EFHC2: variants seen among roughly 807,000 people sequenced by gnomAD.
EFHC2 encodes the protein EF-hand domain containing 2, also known as EF-hand domain-containing family member C2.
In EFHC2, 18 loss-of-function variants were observed where a neutral mutation model predicts 52.7. That is an observed-to-expected ratio of 0.34 (90% CI 0.24 to 0.51). The LOEUF (loss-of-function observed/expected upper bound fraction) is 0.51, where lower values mean the gene tolerates loss of function less well. Among genes scored for constraint, EFHC2 ranks in the 20% least tolerant of loss-of-function variants. EFHC2 has a pLI of 0.97. For synonymous variants in EFHC2, 203 were observed against 204.1 expected (o/e 0.99, Z 0.04); for missense variants, 513 against 562.5 (o/e 0.91, Z 0.89).
intron 2 of EFHC2, among the ~76,000 whole-genome samples, chrX:44,290,355 C>T (rs1190272437): frequency 1.8e-5 from 2 of 111,911 alleles, no homozygotes; most frequent in Admixed American, 9.5e-5. Context: ...TTACTTCTCA[C>T]TTTGTATTAT....
At chrX:44,281,836 A>C (rs778733618) in intron 2 of EFHC2, among the ~76,000 whole-genome samples, 24 of 111,835 alleles carry the variant, frequency 2.1e-4, no homozygotes, top group African/African-American at 6.8e-4. Flanking sequence ...AAAATTCATG[A>C]GAGGGTCAAC....
At chrX:44,168,679 G>C (rs2036719193) in intron 13 of EFHC2, among the ~76,000 whole-genome samples, 2 of 111,511 alleles carry the variant, frequency 1.8e-5, no homozygotes, top group Non-Finnish European at 3.8e-5. Flanking sequence ...AGGCAAAATG[G>C]AGTGCAGAGG....
chrX:44,265,480 G>C (rs145456824), intron 3 of EFHC2, among the ~76,000 whole-genome samples: 142 of 111,305 alleles, frequency 1.3e-3, no homozygotes, highest in African/African-American at 4.5e-3. Context: ...TGTTGCCCAG[G>C]CTGGTCTTGA....
intron 1 of EFHC2, among the ~76,000 whole-genome samples, chrX:44,333,606 A>C (rs1352443243): frequency 2.7e-5 from 3 of 111,148 alleles, no homozygotes; most frequent in Non-Finnish European, 3.8e-5. Flanking sequence ...GATACTACTA[A>C]GTCTGACAAT....
chrX:44,253,650 C>A (rs1373638418), intron 4 of EFHC2, among the ~76,000 whole-genome samples: 10 of 112,305 alleles, frequency 8.9e-5, no homozygotes, highest in Non-Finnish European at 1.9e-4. Flanking sequence ...AAACTCCCAT[C>A]TTCCTGGGAC....
At chrX:44,328,188 C>T (rs1232635061) in intron 1 of EFHC2, among the ~76,000 whole-genome samples, 1 of 111,978 alleles carries the variant, frequency 8.9e-6, no homozygotes, top group Non-Finnish European at 1.9e-5. Context: ...GAAAAAGCTA[C>T]ACACTGCACT....
chrX:44,202,187 G>A (rs1371189795), intron 11 of EFHC2, among the ~76,000 whole-genome samples: 3 of 111,654 alleles, frequency 2.7e-5, no homozygotes, highest in East Asian at 2.8e-4. Context: ...AAACATAATC[G>A]GGTGGATCAC....
intron 11 of EFHC2, among the ~76,000 whole-genome samples, chrX:44,223,123 A>G (rs1366305340): frequency 8.9e-6 from 1 of 112,139 alleles, no homozygotes; most frequent in African/African-American, 3.2e-5. Context: ...AATTTCCCAG[A>G]CTTCCTTGCA....
chrX:44,301,329 C>T (rs920576462), intron 2 of EFHC2, among the ~76,000 whole-genome samples: 2 of 109,340 alleles, frequency 1.8e-5, no homozygotes, highest in South Asian at 8.0e-4. Flanking sequence ...CCACTCCCCC[C>T]CCGACCAAAT....
At chrX:44,153,747 T>C (rs1395806440) in intron 14 of EFHC2, among the ~76,000 whole-genome samples, 1 of 112,236 alleles carries the variant, frequency 8.9e-6, no homozygotes, top group Admixed American at 9.5e-5. Flanking sequence ...GAAGACATTT[T>C]TGGCAACATA....
chrX:44,234,190 C>T (rs1451674343), intron 9 of EFHC2, among the ~76,000 whole-genome samples: 1 of 111,698 alleles, frequency 9.0e-6, no homozygotes, highest in African/African-American at 3.3e-5. Flanking sequence ...TCATAAAGTC[C>T]TTGTAAGGAT....
chrX:44,220,922 A>G (rs1169894023), intron 11 of EFHC2, among the ~76,000 whole-genome samples: 1 of 111,894 alleles, frequency 8.9e-6, no homozygotes, highest in Non-Finnish European at 1.9e-5. Flanking sequence ...CAAAATGCTG[A>G]ACCAATTTAA....
intron 7 of EFHC2, among the ~76,000 whole-genome samples, chrX:44,246,589 C>T (rs1426151312): frequency 9.0e-6 from 1 of 111,234 alleles, no homozygotes; most frequent in African/African-American, 3.3e-5. Context: ...CACAAGGACT[C>T]GACTGAAATG....
chrX:44,259,236 T>C (rs1426739288), intron 4 of EFHC2, among the ~76,000 whole-genome samples: 2 of 112,133 alleles, frequency 1.8e-5, no homozygotes, highest in Non-Finnish European at 3.8e-5. Flanking sequence ...GATGAGTTCA[T>C]GTCCTTTGCA....
At chrX:44,211,085 G>A (rs1262280569) in intron 11 of EFHC2, among the ~76,000 whole-genome samples, 1 of 112,075 alleles carries the variant, frequency 8.9e-6, no homozygotes. Flanking sequence ...TTAGGGAAAT[G>A]CAAATCAAAA....
At chrX:44,289,094 A>AT (rs770892690) in intron 2 of EFHC2, among the ~76,000 whole-genome samples, 1 of 110,551 alleles carries the variant, frequency 9.0e-6, no homozygotes, top group East Asian at 2.8e-4. Context: ...AATAATTCAT[A>AT]TTTTTTTTCT....
At chrX:44,200,796 A>G (rs2037001065) in intron 11 of EFHC2, among the ~76,000 whole-genome samples, 1 of 112,056 alleles carries the variant, frequency 8.9e-6, no homozygotes, top group South Asian at 3.7e-4. Context: ...TTGTAATAAA[A>G]CTGCAGAACA....
At chrX:44,211,616 C>CT (rs2037096761) in intron 11 of EFHC2, among the ~76,000 whole-genome samples, 1 of 110,551 alleles carries the variant, frequency 9.0e-6, no homozygotes, top group Admixed American at 9.6e-5. Context: ...AATCCCAGCA[C>CT]TTTGGGAGGC....
At chrX:44,250,168 T>A in intron 5 of EFHC2, 26 bp downstream of exon 5, 1 of 1,195,619 alleles carries the variant, frequency 8.4e-7, no homozygotes, top group Non-Finnish European at 1.1e-6. Flanking sequence ...ACAAGCAAAT[T>A]CAAAGTGGTT....
Sources: allele counts gnomAD v4.1 joint callset (sites outside exome capture counted in the v4.1 genomes callset), GRCh38; gene constraint gnomAD v4.1.1; transcripts MANE v1.5; gene names NCBI Gene and HGNC (gene_info 2026-07-23, HGNC 2026-07-21).